Variants in TLN2 observed in about 807,000 individuals in gnomAD.
TLN2 encodes the protein talin 2.
TLN2 carries 118 observed loss-of-function variants against 294.7 expected under a neutral mutation model. That is an observed-to-expected ratio of 0.40 (90% CI 0.34 to 0.47). The LOEUF is 0.47. Among genes scored for constraint, TLN2 ranks in the 20% least tolerant of loss-of-function variants. The pLI is 0.84. For synonymous variants in TLN2, 1,431 were observed against 1,304.5 expected, an observed-to-expected ratio of 1.10 and a Z score of -2.09; for missense variants, 3,083 against 3,282.2, an observed-to-expected ratio of 0.94 and a Z score of 1.48.
intron 3 of TLN2, among the ~76,000 whole-genome samples, chr15:62,643,728 C>T (rs1329448095): frequency 6.6e-6 from 1 of 152,014 alleles, no homozygotes; most frequent in African/African-American, 2.4e-5. Flanking sequence ...TTGACATGTC[C>T]AGAGGTCAAA....
intron 11 of TLN2, among the ~76,000 whole-genome samples, chr15:62,679,613 G>A (rs1171935601): frequency 6.6e-6 from 1 of 152,242 alleles, no homozygotes; most frequent in African/African-American, 2.4e-5. Flanking sequence ...AGAGTTTGGT[G>A]TGGGAGATAG....
At chr15:62,735,005 G>A (rs902490725) in intron 28 of TLN2, among the ~76,000 whole-genome samples, 4 of 152,186 alleles carry the variant, frequency 2.6e-5, no homozygotes, top group African/African-American at 9.7e-5. Flanking sequence ...AGTTCAGTGC[G>A]AGAGAGACAC....
chr15:62,527,056 C>CT (rs2040778417), intron 1 of TLN2, among the ~76,000 whole-genome samples: 1 of 152,146 alleles, frequency 6.6e-6, no homozygotes, highest in African/African-American at 2.4e-5. Flanking sequence ...GTCGAGCTTC[C>CT]TTTTGATGCT....
chr15:62,494,763 G>T (rs895258746), intron 1 of TLN2, among the ~76,000 whole-genome samples: 21 of 151,902 alleles, frequency 1.4e-4, no homozygotes, highest in Admixed American at 3.9e-4. Context: ...AGACATTTTT[G>T]TGTGTGCCCT....
intron 12 of TLN2, among the ~76,000 whole-genome samples, chr15:62,691,348 A>G (rs2057893160): frequency 6.6e-6 from 1 of 151,984 alleles, no homozygotes. Context: ...TACTGATTTT[A>G]TTTTTTATTA....
At chr15:62,518,419 T>C (rs764891742) in intron 1 of TLN2, among the ~76,000 whole-genome samples, 2 of 152,084 alleles carry the variant, frequency 1.3e-5, no homozygotes, top group Non-Finnish European at 2.9e-5. Flanking sequence ...TGAAGACAAA[T>C]AGACATGGGT....
chr15:62,398,030 C>G (rs1475408865), intron 1 of TLN2, among the ~76,000 whole-genome samples: 1 of 152,182 alleles, frequency 6.6e-6, no homozygotes, highest in African/African-American at 2.4e-5. Context: ...GTCTTGTGCT[C>G]TTTTCCAGCC....
rs568266946 is a variant in TLN2, at chr15:62,711,931, C to A, written c.2488C>A (p.Arg830=). The change falls in exon 22 of 59, where the codon CGG becomes AGG. Residue 830 remains arginine (R), a synonymous_variant. Coordinates refer to ENST00000636159, the MANE Select transcript of TLN2 (RefSeq NM_015059.3). ...GDAGEMVRQA[R]VLAQATSDLV... ...TCTAGGTGAAATGGTGCGCCAGGCG[C>A]GGGTTCTGGCCCAAGCCACATCAGA... 1 of 1,609,006 alleles carries A rather than the reference C, an allele frequency of 6.2e-7. No individual in the cohort carries two copies. The highest frequency in any genetic ancestry group is 8.5e-7 in the Non-Finnish European group (1 of 1,175,906).
At chr15:62,662,199 C>T (rs562263661) in intron 9 of TLN2, among the ~76,000 whole-genome samples, 6 of 150,822 alleles carry the variant, frequency 4.0e-5, no homozygotes, top group Non-Finnish European at 7.4e-5. Context: ...CAGAAAAAGG[C>T]AAAATAAGGT....
At chr15:62,441,781 C>T (rs2140305896) in intron 1 of TLN2, among the ~76,000 whole-genome samples, 1 of 152,300 alleles carries the variant, frequency 6.6e-6, no homozygotes, top group African/African-American at 2.4e-5. Context: ...ATGATGTGAT[C>T]AGTCATGCCT....
chr15:62,687,647 A>C (rs2057395082), intron 12 of TLN2, among the ~76,000 whole-genome samples: 1 of 152,220 alleles, frequency 6.6e-6, no homozygotes, highest in South Asian at 2.1e-4. Flanking sequence ...AAGACTCTTG[A>C]AGTCTCTAGT....
intron 1 of TLN2, among the ~76,000 whole-genome samples, chr15:62,497,716 G>A (rs1388492993): frequency 6.6e-6 from 1 of 152,078 alleles, no homozygotes; most frequent in Non-Finnish European, 1.5e-5. Context: ...TCTACATTTG[G>A]TTTTAGTAGA....
At chr15:62,435,423 G>T (rs1566969171) in intron 1 of TLN2, among the ~76,000 whole-genome samples, 2 of 152,120 alleles carry the variant, frequency 1.3e-5, no homozygotes. Context: ...GAAGTTGACT[G>T]TCTTTATATG....
At chr15:62,541,563 AG>A (rs2041688597) in intron 1 of TLN2, among the ~76,000 whole-genome samples, 1 of 152,128 alleles carries the variant, frequency 6.6e-6, no homozygotes, top group Admixed American at 6.5e-5. Context: ...ACCTGGGGTC[AG>A]CCCCACTGGA....
intron 32 of TLN2, among the ~76,000 whole-genome samples, chr15:62,746,420 G>C (rs780886825): frequency 2.0e-5 from 3 of 152,208 alleles, no homozygotes; most frequent in Non-Finnish European, 4.4e-5. Flanking sequence ...GCACCATAGA[G>C]AGCGCAGTGT....
At chr15:62,542,963 A>G (rs2041785229) in intron 1 of TLN2, among the ~76,000 whole-genome samples, 1 of 152,158 alleles carries the variant, frequency 6.6e-6, no homozygotes, top group Non-Finnish European at 1.5e-5. Flanking sequence ...TGGCCAGAGA[A>G]ATGGACTGGC....
chr15:62,744,903 G>A (rs192891180), intron 32 of TLN2, among the ~76,000 whole-genome samples: 1 of 150,240 alleles, frequency 6.7e-6, no homozygotes, highest in African/African-American at 2.5e-5. Context: ...ATACAGAAAG[G>A]TCAATTTCGA....
At chr15:62,685,837 G>C (rs921814615) in intron 11 of TLN2, among the ~76,000 whole-genome samples, 1 of 151,964 alleles carries the variant, frequency 6.6e-6, no homozygotes, top group Non-Finnish European at 1.5e-5. Flanking sequence ...GGTTTCTTTA[G>C]CTTCTGCTCT....
chr15:62,771,985 G>A (rs2063375922), intron 42 of TLN2, among the ~76,000 whole-genome samples: 1 of 152,162 alleles, frequency 6.6e-6, no homozygotes, highest in Non-Finnish European at 1.5e-5. Flanking sequence ...TTGAGATCAT[G>A]TCTTACTGTA....
Sources: gnomAD v4.1 joint callset for allele counts (sites outside exome capture counted in the v4.1 genomes callset) on GRCh38, gnomAD v4.1.1 for gene constraint, MANE v1.5 for transcripts, NCBI Gene and HGNC (gene_info 2026-07-23, HGNC 2026-07-21) for gene names.